The following ZEB1 variants were observed in gnomAD, a reference collection of about 807,000 sequenced individuals.
ZEB1 encodes zinc finger E-box-binding homeobox 1.
In ZEB1, 21 loss-of-function variants were observed where a neutral mutation model predicts 84.9. That is an observed-to-expected ratio of 0.25 (90% CI 0.18 to 0.36). ZEB1 has a LOEUF of 0.36. Among genes scored for constraint, ZEB1 ranks in the 10% least tolerant of loss-of-function variants. The probability of loss-of-function intolerance (pLI) is 1.00; values close to 1 mark genes in which losing one functional copy is unlikely to be tolerated. For missense variants in ZEB1, 1,104 were observed against 1,330.2 expected (o/e 0.83, Z 2.65); for synonymous variants, 420 against 471.1 (o/e 0.89, Z 1.41).
At chr10:31,321,881 C>T (rs2034167460) in intron 1 of ZEB1, 4 of 301,850 alleles carry the variant, frequency 1.3e-5, no homozygotes, top group Middle Eastern at 1.0e-3. Flanking sequence ...TTAGTTTTCT[C>T]CTGCATGTAT....
chr10:31,348,420 C>T (rs1050164428), intron 1 of ZEB1, among the ~76,000 whole-genome samples: 4 of 151,736 alleles, frequency 2.6e-5, no homozygotes, highest in Admixed American at 6.6e-5. Flanking sequence ...AAAAATTAGC[C>T]GGGTGTGGTG....
chr10:31,488,987 G>C (rs1221400657), intron 2 of ZEB1, among the ~76,000 whole-genome samples: 1 of 151,162 alleles, frequency 6.6e-6, no homozygotes, highest in Non-Finnish European at 1.5e-5. Flanking sequence ...TTTGGATCTA[G>C]TTGTTAATGT....
intron 1 of ZEB1, among the ~76,000 whole-genome samples, chr10:31,366,080 G>A (rs1029405396): frequency 9.9e-5 from 15 of 152,050 alleles, no homozygotes; most frequent in Middle Eastern, 3.2e-3. Flanking sequence ...GCACTTTCCC[G>A]CTTTCAAGTC....
chr10:31,515,234 A>G (rs1261260411), intron 6 of ZEB1, among the ~76,000 whole-genome samples: 1 of 152,082 alleles, frequency 6.6e-6, no homozygotes, highest in Non-Finnish European at 1.5e-5. Context: ...TCACCTGTCT[A>G]TTCCATGTCA....
intron 8 of ZEB1, among the ~76,000 whole-genome samples, chr10:31,524,522 C>A (rs189330030): frequency 6.6e-6 from 1 of 152,234 alleles, no homozygotes; most frequent in African/African-American, 2.4e-5. Flanking sequence ...AATTAATTTT[C>A]TTATTTTTTA....
chr10:31,526,575 C>G (rs2073488912), intron 8 of ZEB1, 97 bp from the exon 9 acceptor site: 1 of 1,416,924 alleles, frequency 7.1e-7, no homozygotes, highest in South Asian at 1.2e-5. Flanking sequence ...AAACTAATAA[C>G]CCTCCCCTTT....
At chr10:31,371,440 C>T (rs1049414649) in intron 1 of ZEB1, among the ~76,000 whole-genome samples, 3 of 152,084 alleles carry the variant, frequency 2.0e-5, no homozygotes, top group Non-Finnish European at 2.9e-5. Flanking sequence ...AGCTATATTC[C>T]GTATTAATCA....
chr10:31,366,282 C>T (rs1299422611), intron 1 of ZEB1, among the ~76,000 whole-genome samples: 1 of 152,100 alleles, frequency 6.6e-6, no homozygotes. Context: ...TCTTTGATAC[C>T]TAATTTGTCC....
At chr10:31,324,013 C>T (rs2034843034) in intron 1 of ZEB1, among the ~76,000 whole-genome samples, 1 of 149,072 alleles carries the variant, frequency 6.7e-6, no homozygotes, top group Non-Finnish European at 1.5e-5. Context: ...TTTTTCATTT[C>T]CTGACAGGTA....
intron 2 of ZEB1, among the ~76,000 whole-genome samples, chr10:31,473,380 T>A (rs1298562839): frequency 7.9e-5 from 12 of 151,326 alleles, no homozygotes; most frequent in Admixed American, 1.3e-4. Context: ...ACAAAATCAA[T>A]GTACAAAAAT....
At chr10:31,445,227 G>C (rs2059603334) in intron 1 of ZEB1, among the ~76,000 whole-genome samples, 1 of 148,112 alleles carries the variant, frequency 6.8e-6, no homozygotes, top group African/African-American at 2.6e-5. Flanking sequence ...GTCTGTTGTT[G>C]GTGTATAAGA....
At chr10:31,321,956 C>T in intron 1 of ZEB1, 1 of 227,448 alleles carries the variant, frequency 4.4e-6, no homozygotes, top group Non-Finnish European at 8.9e-6. Context: ...CGCTTGCTGT[C>T]AGTGTTTTTC....
chr10:31,443,013 A>T (rs983724938), intron 1 of ZEB1, among the ~76,000 whole-genome samples: 1 of 152,222 alleles, frequency 6.6e-6, no homozygotes, highest in Admixed American at 6.5e-5. Context: ...GCTGGAGTTT[A>T]ATCAAGGTAA....
intron 1 of ZEB1, among the ~76,000 whole-genome samples, chr10:31,334,888 A>G (rs2037663069): frequency 6.6e-6 from 1 of 152,314 alleles, no homozygotes; most frequent in East Asian, 1.9e-4. Flanking sequence ...ATATTCTTAC[A>G]AAGAAAAAAA....
intron 1 of ZEB1, among the ~76,000 whole-genome samples, chr10:31,424,491 A>G (rs2056674218): frequency 6.6e-6 from 1 of 151,994 alleles, no homozygotes; most frequent in Non-Finnish European, 1.5e-5. Context: ...TACTTTTCTT[A>G]TATTGAATAT....
chr10:31,449,309 G>A (rs1244312416), intron 1 of ZEB1, among the ~76,000 whole-genome samples: 1 of 152,218 alleles, frequency 6.6e-6, no homozygotes, highest in African/African-American at 2.4e-5. Flanking sequence ...TGCGCCTACT[G>A]TCTGGCACTC....
intron 1 of ZEB1, among the ~76,000 whole-genome samples, chr10:31,452,399 C>T (rs1315094805): frequency 6.6e-6 from 1 of 151,948 alleles, no homozygotes; most frequent in African/African-American, 2.4e-5. Context: ...CAAAAATTTA[C>T]AGTAAATGCT....
At chr10:31,367,046 T>G (rs2044648731) in intron 1 of ZEB1, among the ~76,000 whole-genome samples, 1 of 152,184 alleles carries the variant, frequency 6.6e-6, no homozygotes, top group Non-Finnish European at 1.5e-5. Flanking sequence ...TCTTCAACTC[T>G]TTGTTGAGCC....
intron 1 of ZEB1, among the ~76,000 whole-genome samples, chr10:31,451,359 A>G (rs1039937003): frequency 6.6e-6 from 1 of 152,126 alleles, no homozygotes; most frequent in Admixed American, 6.5e-5. Context: ...CTGGTAATTT[A>G]TCTTTTTTCT....
Sources: allele counts gnomAD v4.1 joint callset (sites outside exome capture counted in the v4.1 genomes callset), GRCh38; gene constraint gnomAD v4.1.1; transcripts MANE v1.5; gene names NCBI Gene and HGNC (gene_info 2026-07-23, HGNC 2026-07-21).